Variants in CLVS1 observed in about 807,000 individuals in gnomAD.
CLVS1 encodes the protein clavesin-1.
A neutral mutation model predicts 33.1 loss-of-function variants in CLVS1; 10 were observed. That is an observed-to-expected ratio of 0.30 (90% CI 0.19 to 0.51). CLVS1 has a LOEUF of 0.51. Ranked by LOEUF, CLVS1 falls within the 20% of genes least tolerant of loss-of-function variation. The pLI is 0.97. For missense variants in CLVS1, 343 were observed against 433.4 expected (o/e 0.79, Z 1.85); for synonymous variants, 163 against 166.1 (o/e 0.98, Z 0.14).
chr8:61,178,783 A>G (rs906963275), intron 2 of CLVS1, among the ~76,000 whole-genome samples: 1 of 152,208 alleles, frequency 6.6e-6, no homozygotes, highest in African/African-American at 2.4e-5. Context: ...TCCTTTCCAG[A>G]CAAGCAAATG....
chr8:61,122,810 C>T (rs1316819062), intron 1 of CLVS1, among the ~76,000 whole-genome samples: 1 of 103,396 alleles, frequency 9.7e-6, no homozygotes, highest in African/African-American at 3.3e-5. Flanking sequence ...CCTTTCCCAG[C>T]TCTCTGGCTC....
At chr8:61,399,608 C>A (rs981433546) in intron 3 of CLVS1, among the ~76,000 whole-genome samples, 2 of 152,180 alleles carry the variant, frequency 1.3e-5, no homozygotes, top group African/African-American at 4.8e-5. Flanking sequence ...AAATCTTTGC[C>A]TGTGCCTATG....
chr8:61,002,931 G>A, the CLVS1 span, among the ~76,000 whole-genome samples: 1 of 152,220 alleles, frequency 6.6e-6, no homozygotes, highest in East Asian at 1.9e-4. Context: ...CAAATCTGCT[G>A]CCTTACATTT....
chr8:61,018,026 G>C, the CLVS1 span, among the ~76,000 whole-genome samples: 1 of 152,176 alleles, frequency 6.6e-6, no homozygotes, highest in Non-Finnish European at 1.5e-5. Flanking sequence ...TTTGCCTTTG[G>C]AGGGAAGATG....
the CLVS1 span, among the ~76,000 whole-genome samples, chr8:61,019,555 T>G: frequency 1.3e-5 from 2 of 152,232 alleles, no homozygotes; most frequent in Non-Finnish European, 2.9e-5. Context: ...ATTCTAGCTT[T>G]GCTGGAAGTT....
chr8:61,015,424 T>C, the CLVS1 span, among the ~76,000 whole-genome samples: 2 of 152,218 alleles, frequency 1.3e-5, no homozygotes, highest in African/African-American at 4.8e-5. Context: ...ATTTATCTTG[T>C]TTTAATAGTG....
intron 2 of CLVS1, among the ~76,000 whole-genome samples, chr8:61,328,111 G>A (rs779017306): frequency 6.6e-6 from 1 of 152,150 alleles, no homozygotes; most frequent in East Asian, 1.9e-4. Flanking sequence ...CAATTCTTGG[G>A]TAGGGGAATA....
At chr8:61,009,963 T>C in the CLVS1 span, among the ~76,000 whole-genome samples, 2 of 152,246 alleles carry the variant, frequency 1.3e-5, no homozygotes, top group Admixed American at 1.3e-4. Context: ...GTGCATTTGC[T>C]TGATATTATT....
intron 2 of CLVS1, among the ~76,000 whole-genome samples, chr8:61,237,013 TAAATC>T (rs1415599253): frequency 6.6e-6 from 1 of 152,200 alleles, no homozygotes; most frequent in Non-Finnish European, 1.5e-5. Context: ...CAGAAACACT[TAAATC>T]CTGTCTTCAA....
intron 3 of CLVS1, among the ~76,000 whole-genome samples, chr8:61,400,326 C>G (rs1424671334): frequency 1.3e-5 from 2 of 152,110 alleles, no homozygotes; most frequent in Admixed American, 1.3e-4. Flanking sequence ...TGATGTGGCT[C>G]TCAACTTGCC....
upstream of CLVS1, among the ~76,000 whole-genome samples, chr8:61,054,927 G>A (rs1804450725): frequency 6.6e-6 from 1 of 152,102 alleles, no homozygotes; most frequent in African/African-American, 2.4e-5. Context: ...AAAGGACTTG[G>A]TATAAATCCC....
At chr8:61,314,137 A>G (rs374162583) in intron 2 of CLVS1, among the ~76,000 whole-genome samples, 1 of 152,182 alleles carries the variant, frequency 6.6e-6, no homozygotes, top group Admixed American at 6.5e-5. Flanking sequence ...CTGCTTTTCC[A>G]TGGAGAGCTT....
At chr8:61,334,688 G>A (rs1485795648) in intron 2 of CLVS1, among the ~76,000 whole-genome samples, 2 of 152,160 alleles carry the variant, frequency 1.3e-5, no homozygotes, top group Non-Finnish European at 2.9e-5. Flanking sequence ...TGATACAGAG[G>A]AGAGGCACTT....
At chr8:61,171,523 T>C (rs1022986398) in intron 2 of CLVS1, among the ~76,000 whole-genome samples, 1 of 152,116 alleles carries the variant, frequency 6.6e-6, no homozygotes, top group Non-Finnish European at 1.5e-5. Context: ...AATAAGGAGG[T>C]GGGAAGTTTC....
the CLVS1 span, among the ~76,000 whole-genome samples, chr8:61,021,251 A>G: frequency 6.6e-6 from 1 of 152,162 alleles, no homozygotes; most frequent in Non-Finnish European, 1.5e-5. Flanking sequence ...TCTTTTCATG[A>G]GATTCGGTGG....
intron 3 of CLVS1, among the ~76,000 whole-genome samples, chr8:61,431,032 T>C (rs954422172): frequency 2.0e-5 from 3 of 152,244 alleles, no homozygotes; most frequent in African/African-American, 7.2e-5. Flanking sequence ...TCCCTAGAAC[T>C]GTATGACTTT....
intron 3 of CLVS1, among the ~76,000 whole-genome samples, chr8:61,436,587 C>T (rs1236811504): frequency 6.6e-6 from 1 of 152,194 alleles, no homozygotes; most frequent in East Asian, 1.9e-4. Flanking sequence ...GCCTCTAGTA[C>T]ACCACATTTG....
chr8:61,208,588 A>ATTTTTTTTTTTTT (rs1027244251), intron 2 of CLVS1, among the ~76,000 whole-genome samples: 1 of 149,922 alleles, frequency 6.7e-6, no homozygotes. Flanking sequence ...ACTGCACCCC[A>ATTTTTTTTTTTTT]TTTTTTTTTC....
At chr8:61,353,196 G>A (rs1812546803) in intron 2 of CLVS1, among the ~76,000 whole-genome samples, 1 of 151,888 alleles carries the variant, frequency 6.6e-6, no homozygotes, top group African/African-American at 2.4e-5. Flanking sequence ...CAACCAACAG[G>A]ATCTAATTGA....
Sources: gnomAD v4.1 joint callset for allele counts (sites outside exome capture counted in the v4.1 genomes callset) on GRCh38, gnomAD v4.1.1 for gene constraint, MANE v1.5 for transcripts, NCBI Gene and HGNC (gene_info 2026-07-23, HGNC 2026-07-21) for gene names.